IGFL2: variants seen among roughly 807,000 people sequenced by gnomAD.
The protein encoded by IGFL2 is IGF like family member 2.
A neutral mutation model predicts 13.9 loss-of-function variants in IGFL2; 7 were observed. The observed-to-expected ratio is 0.51, with a 90% CI of 0.29 to 0.95. IGFL2 has a LOEUF of 0.95. Ranked by LOEUF, IGFL2 falls within the 40% of genes least tolerant of loss-of-function variation. IGFL2 has a pLI of 0.08. For missense variants in IGFL2, 138 were observed against 147.8 expected (o/e 0.93, Z 0.34); for synonymous variants, 55 against 55.8 (o/e 0.99, Z 0.07).
chr19:46,084,488 A>G, the IGFL2 span, among the ~76,000 whole-genome samples: 1 of 152,176 alleles, frequency 6.6e-6, no homozygotes, highest in African/African-American at 2.4e-5. Context: ...CCATTCCTAC[A>G]TTGCCATAAA....
chr19:46,135,342 A>G, the IGFL2 span, among the ~76,000 whole-genome samples: 1 of 151,904 alleles, frequency 6.6e-6, no homozygotes, highest in Non-Finnish European at 1.5e-5. Context: ...CCCAACTGGG[A>G]TAGTGCTTTG....
chr19:46,100,318 A>G, the IGFL2 span, among the ~76,000 whole-genome samples: 3 of 152,150 alleles, frequency 2.0e-5, no homozygotes, highest in South Asian at 2.1e-4. Context: ...AAAAGTCTCA[A>G]TCATTTTAGG....
chr19:46,105,723 G>C, the IGFL2 span, among the ~76,000 whole-genome samples: 2 of 152,196 alleles, frequency 1.3e-5, no homozygotes, highest in African/African-American at 4.8e-5. Context: ...GTTAAGCATA[G>C]TTTGTGATTT....
chr19:46,155,050 C>G (rs1167762905), intron 1 of IGFL2, among the ~76,000 whole-genome samples: 1 of 152,154 alleles, frequency 6.6e-6, no homozygotes, highest in Non-Finnish European at 1.5e-5. Context: ...AGCTGCTCCT[C>G]TTCTCGGTTT....
chr19:46,171,899 T>C, the IGFL2 span, among the ~76,000 whole-genome samples: 1 of 152,128 alleles, frequency 6.6e-6, no homozygotes, highest in East Asian at 1.9e-4. Context: ...ACAGGTAAAA[T>C]TGGTGCAAAT....
chr19:46,200,211 C>T, the IGFL2 span, among the ~76,000 whole-genome samples: 404 of 151,690 alleles, frequency 2.7e-3, 3 homozygotes, highest in African/African-American at 9.3e-3. Context: ...TTCTGTCACC[C>T]AGGCTGCAGT....
chr19:46,155,023 C>T (rs528001379), intron 1 of IGFL2, among the ~76,000 whole-genome samples: 1 of 152,180 alleles, frequency 6.6e-6, no homozygotes, highest in Non-Finnish European at 1.5e-5. Flanking sequence ...ACAGCTAGAA[C>T]ACTGGGAGGG....
the IGFL2 span, among the ~76,000 whole-genome samples, chr19:46,126,088 CTG>C: frequency 6.6e-6 from 1 of 151,334 alleles, no homozygotes; most frequent in Non-Finnish European, 1.5e-5. Context: ...GAAAGATACA[CTG>C]TTGTTTTGCA....
chr19:46,081,331 A>G, the IGFL2 span, among the ~76,000 whole-genome samples: 1 of 152,182 alleles, frequency 6.6e-6, no homozygotes, highest in Non-Finnish European at 1.5e-5. Context: ...AGTATGGTGA[A>G]TTTGTCTTTT....
the IGFL2 span, among the ~76,000 whole-genome samples, chr19:46,180,184 T>C: frequency 1.3e-5 from 2 of 151,216 alleles, no homozygotes; most frequent in East Asian, 1.9e-4. Context: ...ATTTTTCTTT[T>C]TTTTTTTTTT....
chr19:46,125,095 T>C, the IGFL2 span, among the ~76,000 whole-genome samples: 3 of 152,206 alleles, frequency 2.0e-5, no homozygotes, highest in African/African-American at 7.2e-5. Flanking sequence ...TTGCTTCTTC[T>C]ATATTCCCCA....
the IGFL2 span, among the ~76,000 whole-genome samples, chr19:46,093,940 T>G: frequency 1.3e-5 from 2 of 151,680 alleles, no homozygotes; most frequent in Non-Finnish European, 1.5e-5. Flanking sequence ...AAAGGAGAGA[T>G]ATACTGTAGC....
At chr19:46,173,267 C>T in the IGFL2 span, among the ~76,000 whole-genome samples, 1 of 152,296 alleles carries the variant, frequency 6.6e-6, no homozygotes, top group Middle Eastern at 3.4e-3. Flanking sequence ...GAATCACTTC[C>T]CCTATATGGA....
the IGFL2 span, among the ~76,000 whole-genome samples, chr19:46,183,298 A>G: frequency 6.6e-6 from 1 of 152,180 alleles, no homozygotes; most frequent in Non-Finnish European, 1.5e-5. Flanking sequence ...CCTGACATGT[A>G]GGATTACAAT....
At chr19:46,197,810 G>A in the IGFL2 span, among the ~76,000 whole-genome samples, 5 of 152,018 alleles carry the variant, frequency 3.3e-5, no homozygotes, top group African/African-American at 1.2e-4. Context: ...GGGATTAAAG[G>A]TGTGAGTCAC....
At chr19:46,120,123 A>C in the IGFL2 span, 3 of 628,742 alleles carry the variant, frequency 4.8e-6, no homozygotes, top group African/African-American at 5.8e-5. Context: ...CTCAGCGGGA[A>C]GGGGAGCTGG....
At chr19:46,157,357 T>C (rs1478731951) in intron 1 of IGFL2, among the ~76,000 whole-genome samples, 2 of 152,080 alleles carry the variant, frequency 1.3e-5, no homozygotes, top group Non-Finnish European at 2.9e-5. Context: ...TAGACCAATA[T>C]CCTTCATGCA....
chr19:46,202,615 T>C, the IGFL2 span: 1 of 152,148 alleles, frequency 6.6e-6, no homozygotes, highest in Non-Finnish European at 1.5e-5. Context: ...CTCTGGAATG[T>C]GGGTGAATAA....
chr19:46,081,820 C>CAAAT, the IGFL2 span, among the ~76,000 whole-genome samples: 2,051 of 152,344 alleles, frequency 0.013, 32 homozygotes, highest in Middle Eastern at 0.027. Flanking sequence ...TGTTCTTTGA[C>CAAAT]AACTTGTTTA....
Sources: allele counts gnomAD v4.1 joint callset (sites outside exome capture counted in the v4.1 genomes callset), GRCh38; gene constraint gnomAD v4.1.1; transcripts MANE v1.5; gene names NCBI Gene and HGNC (gene_info 2026-07-23, HGNC 2026-07-21).